The following MACF1 variants were observed in gnomAD, a reference collection of about 807,000 sequenced individuals.
MACF1 encodes the protein microtubule actin crosslinking factor 1, also known as microtubule-actin cross-linking factor 1.
Under a neutral mutation model 854.8 loss-of-function variants are expected in MACF1, and 193 were observed. The observed-to-expected ratio is 0.23, with a 90% CI of 0.20 to 0.25. The LOEUF is 0.25. Ranked by LOEUF, MACF1 falls within the 10% of genes least tolerant of loss-of-function variation. MACF1 has a pLI of 1.00. For synonymous variants in MACF1, 3,185 were observed against 3,226.7 expected (o/e 0.99, Z 0.44); for missense variants, 7,722 against 8,929.1 (o/e 0.86, Z 5.45).
At chr1:39,265,048 T>C (rs1370610099) in intron 6 of MACF1, among the ~76,000 whole-genome samples, 7 of 152,224 alleles carry the variant, frequency 4.6e-5, no homozygotes. Flanking sequence ...TTCTAAAAGA[T>C]ACTATAAACT....
intron 1 of MACF1, among the ~76,000 whole-genome samples, chr1:39,220,580 T>G (rs1472521326): frequency 6.6e-6 from 1 of 150,484 alleles, no homozygotes; most frequent in East Asian, 2.0e-4. Flanking sequence ...CCTCCCGAGT[T>G]CAAGCGATTC....
chr1:39,173,224 C>T (rs1643976333), intron 2 of MACF1, among the ~76,000 whole-genome samples: 1 of 151,712 alleles, frequency 6.6e-6, no homozygotes, highest in East Asian at 1.9e-4. Flanking sequence ...CCTGTAGTCC[C>T]AGCTATTCGG....
intron 97 of MACF1, among the ~76,000 whole-genome samples, chr1:39,476,191 A>G (rs144770482): frequency 6.6e-6 from 1 of 152,320 alleles, no homozygotes; most frequent in African/African-American, 2.4e-5. Context: ...GCTGGCATCT[A>G]TCAACCTTGA....
chr1:39,448,225 A>G, intron 83 of MACF1, 73 bp downstream of exon 83: 1 of 1,509,126 alleles, frequency 6.6e-7, no homozygotes, highest in Non-Finnish European at 8.9e-7. Context: ...AAAAATAAAA[A>G]TCAGAGCTAG....
At chr1:39,163,049 C>T (rs1643833125) in intron 2 of MACF1, among the ~76,000 whole-genome samples, 1 of 151,996 alleles carries the variant, frequency 6.6e-6, no homozygotes. Context: ...CAGGTTATGA[C>T]CCTCATAAGA....
intron 52 of MACF1, among the ~76,000 whole-genome samples, chr1:39,378,086 G>A (rs1294871047): frequency 6.6e-6 from 1 of 151,994 alleles, no homozygotes; most frequent in African/African-American, 2.4e-5. Context: ...TGATATAAAA[G>A]GTGAAACTTT....
chr1:39,411,944 T>G (rs1643026779), intron 58 of MACF1: 1 of 1,613,910 alleles, frequency 6.2e-7, no homozygotes, highest in South Asian at 1.1e-5. Flanking sequence ...CACGTTGATA[T>G]CATGAGAGAC....
chr1:39,292,953 G>A, intron 17 of MACF1, 110 bp downstream of exon 17: 1 of 794,034 alleles, frequency 1.3e-6, no homozygotes, highest in Non-Finnish European at 2.0e-6. Flanking sequence ...TTGGTTTTCT[G>A]CTTATTAGGT....
At chr1:39,096,815 T>C (rs1418513431) in intron 2 of MACF1, among the ~76,000 whole-genome samples, 1 of 151,870 alleles carries the variant, frequency 6.6e-6, no homozygotes, top group Non-Finnish European at 1.5e-5. Context: ...TCAGAGTCCA[T>C]GTCTGAGGAC....
Position 39,458,392 on chromosome 1 carries a change from G to A in MACF1, c.21098G>A (p.Arg7033His), listed in dbSNP as rs183077332. Residue 7033 changes from arginine (R) to histidine (H), a missense_variant, in exon 90 of 101, where the codon CGC becomes CAC. Arg to His is a conservative substitution (Grantham distance 29). Around this residue, in one of 15 missense-constraint regions of MACF1, gnomAD observed 729 missense variants for 900.5 expected, o/e 0.81. Coordinates refer to ENST00000564288, the MANE Select transcript of MACF1 (RefSeq NM_001394062.1). ...CAGACATTTATGGAGGAGATGACTC[G>A]CAAACAGCCTGACGTGGACCGGGTC... is the stretch of plus-strand genomic sequence containing the variant. Reference protein sequence around the residue: ...EHQTFMEEMTRKQPDVDRVTK... With the variant: ...EHQTFMEEMTHKQPDVDRVTK... 2.2e-5 allele frequency: 35 copies of A among 1,613,150 alleles called. No homozygotes were observed. The highest frequency in any genetic ancestry group is 2.6e-5 in the Non-Finnish European group (31 of 1,179,684).
chr1:39,262,676 G>A (rs921718665), intron 6 of MACF1, among the ~76,000 whole-genome samples: 1 of 152,058 alleles, frequency 6.6e-6, no homozygotes, highest in Non-Finnish European at 1.5e-5. Flanking sequence ...TCTTTTTCCT[G>A]TTACCAATTT....
chr1:39,427,234 G>A (rs987553709), intron 61 of MACF1, among the ~76,000 whole-genome samples: 2 of 152,022 alleles, frequency 1.3e-5, no homozygotes, highest in East Asian at 1.9e-4. Context: ...TTATAATGGG[G>A]GATAATTATT....
chr1:39,454,539 G>T (rs370508910), intron 88 of MACF1, among the ~76,000 whole-genome samples: 3 of 152,134 alleles, frequency 2.0e-5, no homozygotes, highest in Non-Finnish European at 4.4e-5. Context: ...AGTGGATCAC[G>T]CCTATAATCC....
intron 87 of MACF1, 66 bp downstream of exon 87, chr1:39,452,878 A>G: frequency 6.4e-7 from 1 of 1,556,912 alleles, no homozygotes; most frequent in South Asian, 1.2e-5. Context: ...CTACCACTAA[A>G]TGAAAGCAAC....
intron 2 of MACF1, among the ~76,000 whole-genome samples, chr1:39,163,917 A>C (rs549577534): frequency 3.1e-4 from 47 of 152,334 alleles, no homozygotes; most frequent in Non-Finnish European, 4.9e-4. Context: ...TAATAAAATC[A>C]CCGAAATCCT....
chr1:39,107,237 C>A (rs1642267947), intron 2 of MACF1, among the ~76,000 whole-genome samples: 1 of 152,040 alleles, frequency 6.6e-6, no homozygotes, highest in Non-Finnish European at 1.5e-5. Context: ...TACTGGTGAC[C>A]TCCAGCGGAA....
Position 39,418,458 on chromosome 1 carries a change from G to T in MACF1, c.15817-3916G>T, listed in dbSNP as rs140693948. Among the ~76,000 whole-genome samples, 219 of 152,286 alleles carry T rather than the reference G, an allele frequency of 1.4e-3. 1 individual carries two copies. Among genetic ancestry groups the T allele is most frequent in the Middle Eastern group, 6.8e-3 (2 of 294 alleles). On this transcript the variant is annotated intron_variant, in intron 58 of 100. Transcript: ENST00000564288. Reference sequence around the variant, plus strand: ...GAATATAGAAAGAGAAGAGAGTCCAGGACTGACGTCGTTCTCTCACTCCCA... The same window carrying T: ...GAATATAGAAAGAGAAGAGAGTCCATGACTGACGTCGTTCTCTCACTCCCA...
intron 5 of MACF1, among the ~76,000 whole-genome samples, chr1:39,257,204 A>G (rs1331033921): frequency 6.6e-6 from 1 of 152,254 alleles, no homozygotes; most frequent in African/African-American, 2.4e-5. Flanking sequence ...GCATATCTCT[A>G]TAATGGAATA....
chr1:39,231,651 C>T (rs1034395411), intron 2 of MACF1, among the ~76,000 whole-genome samples: 21 of 152,202 alleles, frequency 1.4e-4, no homozygotes, highest in African/African-American at 5.1e-4. Flanking sequence ...ATTCGAAGAA[C>T]AGTTTATTCC....
Sources: gnomAD v4.1 joint callset for allele counts (sites outside exome capture counted in the v4.1 genomes callset) on GRCh38, gnomAD v4.1.1 for gene constraint, gnomAD v4.1.1 regional missense constraint, MANE v1.5 for transcripts, NCBI Gene and HGNC (gene_info 2026-07-23, HGNC 2026-07-21) for gene names.